Variants in ANK2 observed in about 807,000 individuals in gnomAD.
The protein encoded by ANK2 is ankyrin 2.
ANK2 carries 83 observed loss-of-function variants against 360.5 expected under a neutral mutation model. That is an observed-to-expected ratio of 0.23 (90% confidence interval 0.19 to 0.28). The LOEUF (loss-of-function observed/expected upper bound fraction) is 0.28. Ranked by LOEUF, ANK2 falls within the 10% of genes least tolerant of loss-of-function variation. The pLI is 1.00. For missense variants in ANK2, 4,201 were observed against 4,795.7 expected, an observed-to-expected ratio of 0.88 and a Z score of 3.66; for synonymous variants, 1,740 against 1,759.5, an observed-to-expected ratio of 0.99 and a Z score of 0.28.
At chr4:112,957,496 T>C (rs928930509) in intron 2 of ANK2, among the ~76,000 whole-genome samples, 3 of 152,178 alleles carry the variant, frequency 2.0e-5, no homozygotes. Context: ...AAACCACCAT[T>C]GTCATCATGG....
At chr4:112,809,894 G>T in the ANK2 span, among the ~76,000 whole-genome samples, 3 of 150,162 alleles carry the variant, frequency 2.0e-5, no homozygotes, top group East Asian at 3.9e-4. Flanking sequence ...GAAAATCCCT[G>T]CATTTGGGGA....
chr4:113,298,769 G>T (rs1036764667), intron 22 of ANK2, among the ~76,000 whole-genome samples: 3 of 152,140 alleles, frequency 2.0e-5, no homozygotes, highest in Non-Finnish European at 2.9e-5. Context: ...AGAAAGAGAT[G>T]TCCATGATCA....
At chr4:113,370,948 A>T (rs2096717118) in intron 43 of ANK2, among the ~76,000 whole-genome samples, 1 of 152,152 alleles carries the variant, frequency 6.6e-6, no homozygotes, top group African/African-American at 2.4e-5. Context: ...CAGCCACAAA[A>T]AAAGTATGAG....
At position 112,978,630 on chromosome 4, in the gene ANK2, C is replaced by T. The variant is rs537567005; in HGVS notation, c.21+74116C>T. ...TTAGTGTTATGTCTTCAAGGTTTAT[C>T]GACCTTGTGGCATGTATCTGAATAT... On this transcript the variant is annotated intron_variant, in intron 2 of 30. Transcript: ENST00000503271. 1.9e-4 allele frequency among the ~76,000 whole-genome samples: 29 copies of T among 152,238 alleles called. 1 individual carries two copies. In the South Asian group the frequency reaches 3.7e-3, roughly 20 times the overall value.
intron 31 of ANK2, among the ~76,000 whole-genome samples, chr4:113,336,988 T>A (rs1255457435): frequency 6.6e-6 from 1 of 152,306 alleles, no homozygotes; most frequent in African/African-American, 2.4e-5. Flanking sequence ...TGTTAGATAG[T>A]TTATATGCGT....
In ANK2 at chr4:113,341,883, T is replaced by C. The variant is rs1588625098; in HGVS notation, c.4089T>C (p.Asn1363=). 6.2e-7 allele frequency: 1 copy of C among 1,613,684 alleles called. No homozygotes were observed. Among genetic ancestry groups the C allele is most frequent in the Non-Finnish European group, 8.5e-7 (1 of 1,179,988 alleles). Residue 1363 remains asparagine (N), a synonymous_variant, in exon 33 of 46, where the codon AAT becomes AAC. Coordinates refer to ENST00000357077, the MANE Select transcript of ANK2 (RefSeq NM_001148.6). ...KVDKTLEQQE[N]FAEVARSRDV... ...ATAAGACCCTTGAACAACAAGAAAA[T>C]TTTGCTGAGGTGGCCAGAAGCAGGG...
rs530558648 is a variant in ANK2, at chr4:112,861,916, C to T, written c.-39-42539C>T. Among the ~76,000 whole-genome samples the T allele has an allele frequency of 2.7e-5, 4 of 149,134 alleles. No individual in the cohort carries two copies. In the South Asian group the frequency reaches 8.4e-4, roughly 31 times the overall value. On this transcript the variant is annotated intron_variant, in intron 1 of 30. Transcript: ENST00000503271. The stretch of plus-strand genomic sequence containing the variant: ...GTCACAGTTATGTGGGAAAACTTAA[C>T]TAAGAAGACTTTTCCTTATTCTTTA...
chr4:113,335,937 C>T lies in ANK2; in HGVS notation c.3471C>T (p.Ile1157=), dbSNP rs1157298737. 6 of 1,614,162 alleles carry T rather than the reference C, an allele frequency of 3.7e-6. No individual in the cohort carries two copies. The highest frequency in any genetic ancestry group is 5.1e-6 in the Non-Finnish European group (6 of 1,180,032). ...AGTACTTTGCAGTGGTGTCTCGTAT[C>T]AAACAGGACAGCAATCTGATTGGCC... ...FPQYFAVVSR[I]KQDSNLIGPE... Residue 1157 remains isoleucine (I), a synonymous_variant, in exon 30 of 46, where the codon ATC becomes ATT. Transcript: ENST00000357077.
rs771446343 is a variant in ANK2, at chr4:113,356,822, A to G, written c.8204A>G (p.Glu2735Gly). 6 of 1,614,020 alleles carry G rather than the reference A, an allele frequency of 3.7e-6. No homozygotes were observed. The African/African-American group carries it at 5.3e-5, about 14-fold the overall frequency. ...DTQEEPGKSEEEKDSESHLAE... is the reference protein window; with the variant it reads ...DTQEEPGKSEGEKDSESHLAE... Reference sequence around the variant, plus strand: ...CAGGAAGAGCCAGGCAAATCAGAAGAAGAAAAAGATTCTGAATCCCATTTA... The same window carrying G: ...CAGGAAGAGCCAGGCAAATCAGAAGGAGAAAAAGATTCTGAATCCCATTTA... Residue 2735 changes from glutamate (E) to glycine (G), a missense_variant, in exon 38 of 46, where the codon GAA becomes GGA. Physicochemically the swap from Glu to Gly is moderately conservative, Grantham distance 98 (BLOSUM62 -2). Around this residue, in one of 4 missense-constraint regions of ANK2, gnomAD observed 2,642 missense variants for 2,714.5 expected, o/e 0.97. Coordinates refer to ENST00000357077, the MANE Select transcript of ANK2 (RefSeq NM_001148.6).
At chr4:112,958,736 A>G (rs188928054) in intron 2 of ANK2, among the ~76,000 whole-genome samples, 35 of 152,266 alleles carry the variant, frequency 2.3e-4, no homozygotes, top group African/African-American at 8.4e-4. Context: ...ATACCATGTT[A>G]TGATGCATTA....
intron 2 of ANK2, among the ~76,000 whole-genome samples, chr4:113,014,765 A>G (rs1288287436): frequency 1.4e-5 from 2 of 146,510 alleles, no homozygotes; most frequent in Non-Finnish European, 3.0e-5. Flanking sequence ...TTTCAGTCAT[A>G]TAGTGTTCTT....
chr4:112,818,792 T>G (rs2056122659), intron 1 of ANK2, among the ~76,000 whole-genome samples: 3 of 152,160 alleles, frequency 2.0e-5, no homozygotes, highest in Admixed American at 2.0e-4. Flanking sequence ...GCAGTGCTAT[T>G]AGTATGTTGC....
Position 113,358,964 on chromosome 4 carries a change from C to A in ANK2, c.10346C>A (p.Thr3449Asn). 1 of 1,614,074 alleles carries A rather than the reference C, an allele frequency of 6.2e-7. No homozygotes were observed. Among genetic ancestry groups the A allele is most frequent in the Non-Finnish European group, 8.5e-7 (1 of 1,179,960 alleles). ...CGATTGCCAGTTAAGAGCAGAAGCA[C>A]TACATCTTCCTGCAGGGGGGGCACG... ...TSRLPVKSRS[T>N]TSSCRGGTSP... Residue 3449 changes from threonine to asparagine, a missense_variant, in exon 38 of 46, where the codon ACT (threonine) becomes AAT (asparagine). Physicochemically the swap from Thr to Asn is moderately conservative, Grantham distance 65. Transcript: ENST00000357077.
intron 1 of ANK2, among the ~76,000 whole-genome samples, chr4:113,128,482 C>T (rs1432359581): frequency 6.6e-6 from 1 of 152,006 alleles, no homozygotes; most frequent in African/African-American, 2.4e-5. Flanking sequence ...CATATGAACT[C>T]GTTGTTATTT....
intron 4 of ANK2, among the ~76,000 whole-genome samples, chr4:113,209,190 GA>G (rs2098991074): frequency 6.6e-6 from 1 of 151,980 alleles, no homozygotes; most frequent in Non-Finnish European, 1.5e-5. Flanking sequence ...CAAGTTATGG[GA>G]GGGGGAGAAG....
At chr4:113,328,444 T>C (rs1208317903) in intron 26 of ANK2, among the ~76,000 whole-genome samples, 1 of 152,144 alleles carries the variant, frequency 6.6e-6, no homozygotes, top group African/African-American at 2.4e-5. Context: ...TGTCTAGAAG[T>C]GTTACCAGTA....
chr4:112,909,259 T>C (rs2086279267), intron 2 of ANK2, among the ~76,000 whole-genome samples: 1 of 152,244 alleles, frequency 6.6e-6, no homozygotes, highest in African/African-American at 2.4e-5. Context: ...TATTCACCCT[T>C]TGTTCTGGTC....
At chr4:112,971,182 G>A (rs1377452788) in intron 2 of ANK2, among the ~76,000 whole-genome samples, 1 of 152,138 alleles carries the variant, frequency 6.6e-6, no homozygotes, top group African/African-American at 2.4e-5. Flanking sequence ...GGTCCAAAGA[G>A]CACTTGATTT....
intron 2 of ANK2, among the ~76,000 whole-genome samples, chr4:112,977,190 T>TA (rs1328615899): frequency 1.3e-5 from 2 of 152,200 alleles, no homozygotes; most frequent in African/African-American, 2.4e-5. Context: ...ACTGTAATCT[T>TA]AAAAAAACAA....
Sources: allele counts gnomAD v4.1 joint callset (sites outside exome capture counted in the v4.1 genomes callset), GRCh38; gene constraint gnomAD v4.1.1; regional missense constraint gnomAD v4.1.1; transcripts MANE v1.5; gene names NCBI Gene and HGNC (gene_info 2026-07-23, HGNC 2026-07-21).